Variants in EBF1 observed in about 807,000 individuals in gnomAD.
EBF1 encodes transcription factor COE1.
EBF1 carries 10 observed loss-of-function variants against 68.4 expected under a neutral mutation model. That is an observed-to-expected ratio of 0.15 (90% CI 0.09 to 0.25). EBF1 has a LOEUF of 0.25. EBF1 is among the 10% of genes least tolerant of loss of function. The pLI is 1.00. For missense variants in EBF1, 509 were observed against 794.4 expected, an observed-to-expected ratio of 0.64 and a Z score of 4.32; for synonymous variants, 298 against 299.8, an observed-to-expected ratio of 0.99 and a Z score of 0.06.
At chr5:158,758,363 A>T (rs751749961) in intron 10 of EBF1, among the ~76,000 whole-genome samples, 26 of 152,192 alleles carry the variant, frequency 1.7e-4, no homozygotes, top group Admixed American at 2.6e-4. Flanking sequence ...AGCACACAAC[A>T]GAGAAGGATT....
chr5:158,815,683 T>C (rs937543817), intron 8 of EBF1, among the ~76,000 whole-genome samples: 1 of 152,202 alleles, frequency 6.6e-6, no homozygotes, highest in Non-Finnish European at 1.5e-5. Context: ...GATCACCTGC[T>C]CATGAACCCT....
At chr5:159,022,654 A>C (rs1766934678) in intron 6 of EBF1, among the ~76,000 whole-genome samples, 1 of 152,238 alleles carries the variant, frequency 6.6e-6, no homozygotes, top group Admixed American at 6.5e-5. Flanking sequence ...TCTGCCTTGC[A>C]GTTTGTATAT....
chr5:159,062,160 T>G (rs188535224), intron 6 of EBF1, among the ~76,000 whole-genome samples: 23 of 152,320 alleles, frequency 1.5e-4, no homozygotes, highest in Admixed American at 1.4e-3. Flanking sequence ...CACATTGCTC[T>G]CATGAATGAC....
At chr5:158,736,927 C>G (rs574579538) in intron 10 of EBF1, among the ~76,000 whole-genome samples, 1 of 152,200 alleles carries the variant, frequency 6.6e-6, no homozygotes, top group African/African-American at 2.4e-5. Context: ...AAATTTGTTG[C>G]ATTTCCAGCC....
Position 159,017,800 on chromosome 5 carries a change from C to T in EBF1, c.554+55596G>A, listed in dbSNP as rs13360641. The stretch of plus-strand genomic sequence containing the variant: ...AAGCTATGCTATTTACTTTGTTTTT[C>T]AAATAACTGAAGACATAAGACTGAG... On this transcript the variant is annotated intron_variant, in intron 6 of 15. Transcript: ENST00000313708. 3.9e-3 allele frequency among the ~76,000 whole-genome samples: 589 copies of T among 152,284 alleles called. 6 individuals are homozygous for T. Among genetic ancestry groups the T allele is most frequent in the African/African-American group, 0.014 (564 of 41,552 alleles).
chr5:158,948,180 G>T (rs1448374432), intron 6 of EBF1, among the ~76,000 whole-genome samples: 1 of 152,144 alleles, frequency 6.6e-6, no homozygotes, highest in Non-Finnish European at 1.5e-5. Context: ...ATTCTCCCAG[G>T]TTGGAGCCCT....
intron 9 of EBF1, among the ~76,000 whole-genome samples, chr5:158,788,979 A>C (rs1480094149): frequency 6.6e-6 from 1 of 151,372 alleles, no homozygotes; most frequent in African/African-American, 2.4e-5. Context: ...AGGCCATTAG[A>C]CCATTTTTAT....
At chr5:158,739,193 T>G (rs1765796516) in intron 10 of EBF1, among the ~76,000 whole-genome samples, 1 of 152,252 alleles carries the variant, frequency 6.6e-6, no homozygotes. Flanking sequence ...GTTGGCATTT[T>G]CTAGATGTGT....
At chr5:158,896,096 A>G (rs1802129826) in intron 6 of EBF1, among the ~76,000 whole-genome samples, 1 of 152,208 alleles carries the variant, frequency 6.6e-6, no homozygotes, top group Admixed American at 6.5e-5. Flanking sequence ...AGAAAGAAAT[A>G]ATAATATGGA....
intron 6 of EBF1, among the ~76,000 whole-genome samples, chr5:158,982,375 A>G (rs1758071363): frequency 2.0e-5 from 3 of 152,232 alleles, no homozygotes; most frequent in Admixed American, 6.5e-5. Flanking sequence ...GCACTTGGGC[A>G]TACTTCACAC....
Position 158,787,263 on chromosome 5 carries a change from C to T in EBF1, c.909+9082G>A, listed in dbSNP as rs73297923. ...GGGCCACTGTCATTAATGAGCTGCA[C>T]AGTAATATAGTTCTGTGTTTGCTTT... is the stretch of plus-strand genomic sequence containing the variant. On this transcript the variant is annotated intron_variant, in intron 9 of 15. Coordinates refer to ENST00000313708, the MANE Select transcript of EBF1 (RefSeq NM_024007.5). Among the ~76,000 whole-genome samples, 144 of 152,262 alleles carry T rather than the reference C, an allele frequency of 9.5e-4. 1 individual carries two copies. The highest frequency in any genetic ancestry group is 3.4e-3 in the African/African-American group (140 of 41,550).
intron 6 of EBF1, among the ~76,000 whole-genome samples, chr5:158,900,415 G>A (rs1004502244): frequency 2.0e-5 from 3 of 152,210 alleles, no homozygotes; most frequent in African/African-American, 7.2e-5. Flanking sequence ...TCAGAAGAGG[G>A]AAAAATGATA....
chr5:158,723,045 G>A (rs530813757), intron 11 of EBF1, among the ~76,000 whole-genome samples: 6 of 152,244 alleles, frequency 3.9e-5, no homozygotes, highest in South Asian at 4.2e-4. Flanking sequence ...AAAGGAACTC[G>A]AAAGAGTTCC....
intron 10 of EBF1, among the ~76,000 whole-genome samples, chr5:158,753,290 C>T (rs1769333561): frequency 6.6e-6 from 1 of 152,006 alleles, no homozygotes; most frequent in Non-Finnish European, 1.5e-5. Flanking sequence ...TTGTGTATCT[C>T]CATCTTACTC....
intron 8 of EBF1, among the ~76,000 whole-genome samples, chr5:158,796,771 T>C (rs779649158): frequency 2.6e-5 from 4 of 152,190 alleles, no homozygotes; most frequent in Non-Finnish European, 4.4e-5. Flanking sequence ...TGTGAAATGC[T>C]AAGGATTTTT....
intron 12 of EBF1, among the ~76,000 whole-genome samples, chr5:158,713,810 G>A (rs1279656019): frequency 6.6e-6 from 1 of 152,170 alleles, no homozygotes; most frequent in Non-Finnish European, 1.5e-5. Context: ...AAATTTGCTT[G>A]AAAACCTGAG....
chr5:159,075,675 C>A (rs1778640522), intron 5 of EBF1, among the ~76,000 whole-genome samples: 2 of 152,218 alleles, frequency 1.3e-5, no homozygotes, highest in East Asian at 3.9e-4. Context: ...CCAGAGTGAG[C>A]TTTTCCAAAT....
intron 6 of EBF1, among the ~76,000 whole-genome samples, chr5:158,840,664 T>TG (rs1790100087): frequency 1.3e-5 from 1 of 79,964 alleles, no homozygotes; most frequent in African/African-American, 4.7e-5. Context: ...TTTTTTTTTT[T>TG]TTTTTTTTGT....
At chr5:158,873,773 T>G (rs1484863449) in intron 6 of EBF1, among the ~76,000 whole-genome samples, 1 of 152,126 alleles carries the variant, frequency 6.6e-6, no homozygotes, top group African/African-American at 2.4e-5. Context: ...TAAAAGAAAT[T>G]TTAAATAAGA....
Sources: gnomAD v4.1 joint callset for allele counts (sites outside exome capture counted in the v4.1 genomes callset) on GRCh38, gnomAD v4.1.1 for gene constraint, MANE v1.5 for transcripts, NCBI Gene and HGNC (gene_info 2026-07-23, HGNC 2026-07-21) for gene names.